SLAMF6: variants seen among roughly 807,000 people sequenced by gnomAD.
SLAMF6 encodes SLAM family member 6.
SLAMF6 carries 21 observed loss-of-function variants against 38.3 expected under a neutral mutation model. The ratio of observed to expected loss-of-function variants is 0.55; its 90% confidence interval spans 0.39 to 0.79. The LOEUF (loss-of-function observed/expected upper bound fraction) is 0.79, where lower values mean the gene tolerates loss of function less well. Among genes scored for constraint, SLAMF6 ranks in the 30% least tolerant of loss-of-function variants. The probability of loss-of-function intolerance (pLI) is 0.00; values close to 1 mark genes in which losing one functional copy is unlikely to be tolerated. For missense variants in SLAMF6, 341 were observed against 385.3 expected, an observed-to-expected ratio of 0.89 and a Z score of 0.96; for synonymous variants, 152 against 146.3, an observed-to-expected ratio of 1.04 and a Z score of -0.28.
chr1:160,519,739 A>G (rs1030401288), intron 1 of SLAMF6, among the ~76,000 whole-genome samples: 3 of 149,718 alleles, frequency 2.0e-5, no homozygotes, highest in Admixed American at 2.0e-4. Flanking sequence ...ATTATCCAGA[A>G]TAGGTAAACC....
rs577774006 is a variant in SLAMF6 at position 160,523,173 on chromosome 1, G to A, written c.20C>T (p.Ser7Leu). The A allele has an allele frequency of 2.3e-5, 37 of 1,613,836 alleles. No homozygotes were observed. The Admixed American group carries it at 3.5e-4, about 15-fold the overall frequency. MLWLFQ[S>L]LLFVFCFGPG... ...GCCAAAGCAGAAGACAAACAGGAGC[G>A]ATTGGAACAGCCACAACATGCTTTC... is the stretch of plus-strand genomic sequence containing the variant. The change falls in exon 1 of 8, where the codon TCG (serine) becomes TTG (leucine). Residue 7 changes from serine (S) to leucine (L), a missense_variant. Coordinates refer to ENST00000368057, the MANE Select transcript of SLAMF6 (RefSeq NM_001184714.2).
intron 1 of SLAMF6, among the ~76,000 whole-genome samples, chr1:160,499,082 A>C (rs1422573871): frequency 6.6e-6 from 1 of 152,036 alleles, no homozygotes; most frequent in Non-Finnish European, 1.5e-5. Flanking sequence ...TCCACTTGTC[A>C]ATTTTCGTTT....
intron 1 of SLAMF6, among the ~76,000 whole-genome samples, chr1:160,498,578 A>G (rs1653718917): frequency 6.6e-6 from 1 of 152,132 alleles, no homozygotes; most frequent in African/African-American, 2.4e-5. Flanking sequence ...TGAGAATAGC[A>G]CAGGAAAGAC....
intron 1 of SLAMF6, among the ~76,000 whole-genome samples, chr1:160,505,548 CA>C (rs1248274453): frequency 2.6e-5 from 4 of 152,156 alleles, no homozygotes; most frequent in African/African-American, 9.7e-5. Context: ...TCTACAGGCA[CA>C]TGCCACCATC....
chr1:160,502,847 C>T (rs1653981577), intron 1 of SLAMF6, among the ~76,000 whole-genome samples: 1 of 151,916 alleles, frequency 6.6e-6, no homozygotes, highest in Non-Finnish European at 1.5e-5. Flanking sequence ...GCTGATTTCT[C>T]AAGAGAATTT....
Position 160,488,899 on chromosome 1 carries a change from A to G in SLAMF6, c.879+189T>C, listed in dbSNP as rs905725532. ...AACTGTGTAAGGCAGGGTATGAATA[A>G]ACATTCCCTTAAGGGTGAGAAAGGC... is the stretch of plus-strand genomic sequence containing the variant. On this transcript the variant is annotated intron_variant, in intron 6 of 7. Coordinates refer to ENST00000368057, the MANE Select transcript of SLAMF6 (RefSeq NM_001184714.2). 2.0e-5 allele frequency among the ~76,000 whole-genome samples: 3 copies of G among 152,272 alleles called. No individual in the cohort carries two copies. In the East Asian group the frequency reaches 5.8e-4, roughly 29 times the overall value.
chr1:160,509,990 A>ATGAATTGATTTCTG (rs1654391905), intron 1 of SLAMF6, among the ~76,000 whole-genome samples: 1 of 152,148 alleles, frequency 6.6e-6, no homozygotes, highest in Non-Finnish European at 1.5e-5. Flanking sequence ...ATATGCCAAC[A>ATGAATTGATTTCTG]AATTGAATAA....
At chr1:160,501,269 G>GA in intron 1 of SLAMF6, among the ~76,000 whole-genome samples, 1 of 152,288 alleles carries the variant, frequency 6.6e-6, no homozygotes, top group Non-Finnish European at 1.5e-5. Context: ...TCCATCATCT[G>GA]ATAGAGGAGC....
rs555731334 is a variant in SLAMF6 at position 160,510,526 on chromosome 1, GA to G, written c.49+12617del. ...CTTAGTTGATGCAGAAAAAACATTT[GA>G]AAAAAACCAGCACCTTTTAAATAAA... is the stretch of plus-strand genomic sequence containing the variant. On this transcript the variant is annotated intron_variant, in intron 1 of 7. Transcript: ENST00000368057. Among the ~76,000 whole-genome samples the G allele has an allele frequency of 1.0e-3, 156 of 152,072 alleles. 1 individual carries two copies. Among genetic ancestry groups the G allele is most frequent in the African/African-American group, 3.6e-3 (151 of 41,494 alleles).
At chr1:160,517,802 G>A (rs556953359) in intron 1 of SLAMF6, among the ~76,000 whole-genome samples, 2 of 152,224 alleles carry the variant, frequency 1.3e-5, no homozygotes, top group South Asian at 4.1e-4. Flanking sequence ...GAGCTGAACA[G>A]TGAGAACACA....
At chr1:160,503,704 C>T (rs1004733198) in intron 1 of SLAMF6, among the ~76,000 whole-genome samples, 1 of 152,030 alleles carries the variant, frequency 6.6e-6, no homozygotes, top group South Asian at 2.1e-4. Flanking sequence ...CACACTCATG[C>T]GAACACACAC....
At chr1:160,509,847 A>G (rs1053756446) in intron 1 of SLAMF6, among the ~76,000 whole-genome samples, 3 of 152,132 alleles carry the variant, frequency 2.0e-5, no homozygotes, top group African/African-American at 7.2e-5. Context: ...AAATTGACAA[A>G]CCTTTAGCTA....
At chr1:160,490,778 G>A (rs1653245501) in intron 3 of SLAMF6, 93 bp from the exon 4 acceptor site, 3 of 1,516,094 alleles carry the variant, frequency 2.0e-6, no homozygotes, top group Non-Finnish European at 2.6e-6. Context: ...GGCCATCTTT[G>A]GGGACTAGGT....
intron 1 of SLAMF6, among the ~76,000 whole-genome samples, chr1:160,500,058 C>A (rs931028486): frequency 6.6e-6 from 1 of 152,022 alleles, no homozygotes; most frequent in African/African-American, 2.4e-5. Context: ...AGAGTGGTTA[C>A]CTTTGAGGAG....
Position 160,490,567 on chromosome 1 carries a change from A to T in SLAMF6, c.757+8T>A, listed in dbSNP as rs1345777425. 4 of 1,610,992 alleles carry T rather than the reference A, an allele frequency of 2.5e-6. No individual in the cohort carries two copies. Among genetic ancestry groups the T allele is most frequent in the Non-Finnish European group, 3.4e-6 (4 of 1,179,244 alleles). On this transcript the variant is annotated splice_region_variant and intron_variant, in intron 4 of 7. Transcript: ENST00000368057. ...GAGAAGAGACAAGTAGGAAGAAAGG[A>T]AACCTGCCTCTTCTTTTCCTCAAAA...
chr1:160,486,746 G>A lies in SLAMF6; in HGVS notation c.960C>T (p.Pro320=). 1 of 1,613,792 alleles carries A rather than the reference G, an allele frequency of 6.2e-7. No homozygotes were observed. The highest frequency in any genetic ancestry group is 8.5e-7 in the Non-Finnish European group (1 of 1,179,814). ...STINHSKESK[P]TFSRATALDN... is the part of the protein sequence containing the mutation. Reference sequence around the variant, plus strand: ...CAAGGGCAGTTGCCCTGGAAAAAGTGGGTTTACTCTGTGGGAAAAAGAGGA... The same window carrying A: ...CAAGGGCAGTTGCCCTGGAAAAAGTAGGTTTACTCTGTGGGAAAAAGAGGA... The change falls in exon 8 of 8, where the codon CCC becomes CCT. Residue 320 remains proline (P), a synonymous_variant. Transcript: ENST00000368057.
At chr1:160,499,786 T>C (rs1355895684) in intron 1 of SLAMF6, among the ~76,000 whole-genome samples, 2 of 152,214 alleles carry the variant, frequency 1.3e-5, no homozygotes, top group Non-Finnish European at 2.9e-5. Flanking sequence ...GCTCAGCTCC[T>C]GGGTGAGCTT....
intron 1 of SLAMF6, among the ~76,000 whole-genome samples, chr1:160,509,253 C>G (rs1300410244): frequency 6.6e-6 from 1 of 152,158 alleles, no homozygotes; most frequent in African/African-American, 2.4e-5. Context: ...TGGAACCAAC[C>G]CAAATGTCCA....
chr1:160,513,097 A>G (rs993930493), intron 1 of SLAMF6, among the ~76,000 whole-genome samples: 1 of 152,220 alleles, frequency 6.6e-6, no homozygotes, highest in African/African-American at 2.4e-5. Flanking sequence ...AACTCAATGC[A>G]AAGAACCTAA....
Sources: gnomAD v4.1 joint callset for allele counts (sites outside exome capture counted in the v4.1 genomes callset) on GRCh38, gnomAD v4.1.1 for gene constraint, MANE v1.5 for transcripts, NCBI Gene and HGNC (gene_info 2026-07-23, HGNC 2026-07-21) for gene names.